Variants in BRWD1 observed in about 807,000 individuals in gnomAD.
BRWD1 encodes bromodomain and WD repeat domain containing 1.
A neutral mutation model predicts 251.2 loss-of-function variants in BRWD1; 82 were observed. That is an observed-to-expected ratio of 0.33 (90% CI 0.27 to 0.39). The LOEUF is 0.39. BRWD1 is among the 10% of genes least tolerant of loss of function. The pLI, the probability that BRWD1 is intolerant of heterozygous loss-of-function variation, is 1.00. For missense variants in BRWD1, 2,233 were observed against 2,711.6 expected (o/e 0.82, Z 3.92); for synonymous variants, 918 against 902.8 (o/e 1.02, Z -0.30).
chr21:39,187,028 A>G lies in BRWD1; in HGVS notation c.*9231T>C. 6.4e-7 allele frequency: 1 copy of G among 1,557,196 alleles called. No individual in the cohort carries two copies. The highest frequency in any genetic ancestry group is 1.3e-5 in the South Asian group (1 of 79,386). ...CCACTTCTACATTCTCATAGTCACT[A>G]TTGTGCATTTTCTTTCCAGGATCTG... On this transcript the variant is annotated 3_prime_UTR_variant, in exon 41 of 41. Transcript: ENST00000342449.
chr21:39,246,834 G>A (rs1261126171), intron 21 of BRWD1, among the ~76,000 whole-genome samples: 1 of 152,232 alleles, frequency 6.6e-6, no homozygotes, highest in African/African-American at 2.4e-5. Context: ...TGTAATCCCA[G>A]CACTCTGGGA....
chr21:39,215,080 C>T (rs1466898814), intron 32 of BRWD1, among the ~76,000 whole-genome samples, 157 bp downstream of exon 32: 2 of 148,726 alleles, frequency 1.3e-5, no homozygotes, highest in African/African-American at 2.5e-5. Context: ...CATGTTGGTA[C>T]GCTGGTCTCA....
intron 8 of BRWD1, among the ~76,000 whole-genome samples, chr21:39,283,711 A>G (rs987880497): frequency 1.3e-5 from 2 of 152,126 alleles, no homozygotes; most frequent in African/African-American, 4.8e-5. Context: ...AGGTATTTTT[A>G]ACTTCTGGGG....
At chr21:39,253,344 G>C (rs774697226) in intron 19 of BRWD1, among the ~76,000 whole-genome samples, 4 of 145,862 alleles carry the variant, frequency 2.7e-5, no homozygotes, top group African/African-American at 7.6e-5. Flanking sequence ...ATGGGGATGA[G>C]AAACACAGGA....
chr21:39,192,509 GAA>G lies in BRWD1; in HGVS notation c.*3748_*3749del, dbSNP rs960725643. 1.0e-5 allele frequency: 10 copies of G among 984,498 alleles called. No homozygotes were observed. The highest frequency in any genetic ancestry group is 4.8e-6 in the Non-Finnish European group (4 of 829,290). 61.0% of individuals were successfully genotyped at this position (984,498 alleles called of 1,614,324 possible). A position where few individuals can be genotyped will look rare whatever the true frequency, so the allele number is the denominator to read the frequency against. ...AGGTATAACTTCAACATTAACAGGT[GAA>G]AAGTTCTACAATGACTTGTTGCACT... On this transcript the variant is annotated 3_prime_UTR_variant, in exon 41 of 41. Transcript: ENST00000342449.
intron 21 of BRWD1, among the ~76,000 whole-genome samples, chr21:39,239,030 A>G (rs1268728646): frequency 6.6e-6 from 1 of 152,128 alleles, no homozygotes; most frequent in Non-Finnish European, 1.5e-5. Flanking sequence ...TTTTTAAATT[A>G]GGCTGCCTTC....
At chr21:39,296,973 T>C (rs1042065611) in intron 5 of BRWD1, 118 of 985,112 alleles carry the variant, frequency 1.2e-4, no homozygotes, top group Non-Finnish European at 1.4e-4. Flanking sequence ...TTAGTCTCTA[T>C]CTTTAGGAAG....
rs1301072906 is a variant in BRWD1 at position 39,196,815 on chromosome 21, A to G, written c.6254T>C (p.Phe2085Ser). 6.2e-7 allele frequency: 1 copy of G among 1,613,458 alleles called. No homozygotes were observed. Among genetic ancestry groups the G allele is most frequent in the South Asian group, 1.1e-5 (1 of 91,078 alleles). The change falls in exon 41 of 41, where the codon TTT (phenylalanine) becomes TCT (serine). Residue 2085 changes from phenylalanine to serine, a missense_variant. Phe to Ser is a radical substitution (Grantham distance 155). Transcript: ENST00000342449. ...CAGCCCATAATTCAGTTCCACTTCAAAATTATTCTCTGCAGTAGCTTTTTG... is the reference window on the plus strand; with the variant it reads ...CAGCCCATAATTCAGTTCCACTTCAGAATTATTCTCTGCAGTAGCTTTTTG... ...LAQKATAENNFEVELNYGLRR... is the reference protein window; with the variant it reads ...LAQKATAENNSEVELNYGLRR...
intron 8 of BRWD1, among the ~76,000 whole-genome samples, chr21:39,288,563 G>A (rs531319864): frequency 1.3e-5 from 2 of 152,124 alleles, no homozygotes; most frequent in South Asian, 4.1e-4. Context: ...CAGGGGTTAG[G>A]GTACCAAACC....
At chr21:39,202,850 T>C (rs573506457) in intron 37 of BRWD1, among the ~76,000 whole-genome samples, 2 of 152,316 alleles carry the variant, frequency 1.3e-5, no homozygotes, top group South Asian at 2.1e-4. Flanking sequence ...GGAACCAACA[T>C]TTACGTAATA....
chr21:39,247,141 G>GT (rs1393246465), intron 21 of BRWD1, among the ~76,000 whole-genome samples: 2 of 152,010 alleles, frequency 1.3e-5, no homozygotes, highest in South Asian at 2.1e-4. Context: ...AAAAGAAAAT[G>GT]TATCAGTGAT....
At chr21:39,314,488 C>CCTCCTTA, upstream of BRWD1, 1 of 368,430 alleles carries the variant, frequency 2.7e-6, no homozygotes, top group South Asian at 2.0e-5. Context: ...GAAGAGAAGC[C>CCTCCTTA]GGAAACTAGG....
chr21:39,258,639 A>T lies in BRWD1; in HGVS notation c.1919T>A (p.Leu640Gln), dbSNP rs372526336. 3.9e-5 allele frequency: 63 copies of T among 1,608,070 alleles called. No individual in the cohort carries two copies. The highest frequency in any genetic ancestry group is 4.8e-5 in the Non-Finnish European group (56 of 1,176,888). Residue 640 changes from leucine (L) to glutamine (Q), a missense_variant, in exon 18 of 41, where the codon CTG becomes CAG. Leu to Gln is a moderately radical substitution (Grantham distance 113). Around this residue, in one of 12 missense-constraint regions of BRWD1, gnomAD observed 315 missense variants for 421.8 expected, o/e 0.75. Transcript: ENST00000342449. Reference sequence around the variant, plus strand: ...GCGTTCATCATTATCATTGGTTTGCAGGCTTATAATTTGTTCAATCACCTC... The same window carrying T: ...GCGTTCATCATTATCATTGGTTTGCTGGCTTATAATTTGTTCAATCACCTC... ...DGEVIEQIISLQTNDNDERSP... is the reference protein window; with the variant it reads ...DGEVIEQIISQQTNDNDERSP...
chr21:39,281,322 C>G (rs11702382), intron 8 of BRWD1, among the ~76,000 whole-genome samples: 3,545 of 152,244 alleles, frequency 0.023, 73 homozygotes, highest in Middle Eastern at 0.037. Flanking sequence ...ATCTAAGAAG[C>G]AAGAAGCTTA....
At chr21:39,203,438 C>CTTT (rs71330353) in intron 37 of BRWD1, among the ~76,000 whole-genome samples, 852 of 67,674 alleles carry the variant, frequency 0.013, 59 homozygotes, top group African/African-American at 0.042. Flanking sequence ...GACCCTGGTT[C>CTTT]TTTTTTTTTT....
intron 21 of BRWD1, among the ~76,000 whole-genome samples, chr21:39,242,222 C>T (rs1442000732): frequency 1.3e-5 from 2 of 152,208 alleles, no homozygotes; most frequent in East Asian, 3.8e-4. Context: ...ATATAAAATG[C>T]TATTCCAGTG....
intron 27 of BRWD1, among the ~76,000 whole-genome samples, chr21:39,226,572 A>G (rs1438710615): frequency 6.6e-6 from 1 of 152,224 alleles, no homozygotes; most frequent in Non-Finnish European, 1.5e-5. Flanking sequence ...AAATCATAAT[A>G]GCTGGGAAGC....
intron 31 of BRWD1, chr21:39,217,033 AT>A (rs1568877646): frequency 1.2e-3 from 26 of 22,394 alleles, no homozygotes; most frequent in Non-Finnish European, 1.9e-3. Context: ...ATATATATAT[AT>A]AAATATATAT....
intron 37 of BRWD1, among the ~76,000 whole-genome samples, chr21:39,205,896 A>G (rs1016171914): frequency 3.3e-5 from 5 of 152,168 alleles, no homozygotes; most frequent in African/African-American, 1.2e-4. Flanking sequence ...CGTGGCCAAC[A>G]TGGTGAAACC....
Sources: allele counts gnomAD v4.1 joint callset (sites outside exome capture counted in the v4.1 genomes callset), GRCh38; gene constraint gnomAD v4.1.1; regional missense constraint gnomAD v4.1.1; transcripts MANE v1.5; gene names NCBI Gene and HGNC (gene_info 2026-07-23, HGNC 2026-07-21).